The following BRWD1 variants were observed in gnomAD, a reference collection of about 807,000 sequenced individuals.
BRWD1 encodes the protein bromodomain and WD repeat domain containing 1, also known as bromodomain and WD repeat-containing protein 1.
BRWD1 carries 82 observed loss-of-function variants against 251.2 expected under a neutral mutation model. The ratio of observed to expected loss-of-function variants is 0.33; its 90% CI spans 0.27 to 0.39. BRWD1 has a LOEUF of 0.39. Among genes scored for constraint, BRWD1 ranks in the 10% least tolerant of loss-of-function variants. The pLI is 1.00. For missense variants in BRWD1, 2,233 were observed against 2,711.6 expected, an observed-to-expected ratio of 0.82 and a Z score of 3.92; for synonymous variants, 918 against 902.8, an observed-to-expected ratio of 1.02 and a Z score of -0.30.
Position 39,187,153 on chromosome 21 carries a change from T to G in BRWD1, c.*9106A>C. On this transcript the variant is annotated 3_prime_UTR_variant, in exon 41 of 41. Transcript: ENST00000342449. ...ATCCTCTTTATAAACATTCAGTAAT[T>G]TTTTCTTAGCCGCAGCAGAAGCATT... The G allele has an allele frequency of 6.2e-7, 1 of 1,613,832 alleles. No individual in the cohort carries two copies. Among genetic ancestry groups the G allele is most frequent in the South Asian group, 1.1e-5 (1 of 90,962 alleles).
In BRWD1 at chr21:39,228,478, AAC is replaced by A. The variant is rs772019370; in HGVS notation, c.3208+20_3208+21del. On this transcript the variant is annotated intron_variant, in intron 27 of 40. Coordinates refer to ENST00000342449, the MANE Select transcript of BRWD1 (RefSeq NM_033656.4). The stretch of plus-strand genomic sequence containing the variant: ...CAGATTAATTTTTAAGGGTATATAA[AAC>A]TTAGTAAGGATAGACTTACAAGACT... 30 of 1,561,012 alleles carry A rather than the reference AAC, an allele frequency of 1.9e-5. 2 individuals are homozygous for A. In the South Asian group the frequency reaches 3.1e-4, roughly 16 times the overall value.
rs368656743 is a variant in BRWD1, at chr21:39,249,915, GGTGT to G, written c.2349+877_2349+880del. 6.3e-3 allele frequency among the ~76,000 whole-genome samples: 435 copies of G among 68,606 alleles called. 6 individuals carry two copies. The highest frequency in any genetic ancestry group is 0.017 in the African/African-American group (306 of 18,526). 45.0% of individuals were successfully genotyped at this position (68,606 alleles called of 152,430 possible). On this transcript the variant is annotated intron_variant, in intron 20 of 40. Coordinates refer to ENST00000342449, the MANE Select transcript of BRWD1 (RefSeq NM_033656.4). The stretch of plus-strand genomic sequence containing the variant: ...GAACCAAGATCAAAAAAAGAAGGGG[GGTGT>G]GTGTGTGTGTGTGTGTGTGTGTGTG...
intron 29 of BRWD1, chr21:39,219,431 AAGG>A (rs1197011947): frequency 2.0e-5 from 3 of 152,508 alleles, no homozygotes; most frequent in South Asian, 2.1e-4. Flanking sequence ...AAAAAAAAAA[AAGG>A]AGAAAATCTG....
In BRWD1 at chr21:39,198,705, G is replaced by A. The variant is rs920364398; in HGVS notation, c.5653+58C>T. 38 of 1,449,684 alleles carry A rather than the reference G, an allele frequency of 2.6e-5. No individual in the cohort carries two copies. The African/African-American group carries it at 5.0e-4, about 19-fold the overall frequency. 89.8% of individuals were successfully genotyped at this position (1,449,684 alleles called of 1,614,324 possible). On this transcript the variant is annotated intron_variant, in intron 40 of 40. Transcript: ENST00000342449. Reference sequence around the variant, plus strand: ...TTTCGGGGGGAAAAAACCAATGTGTGTAAGAGAAAAGGATGGTGAGAGTCA... The same window carrying A: ...TTTCGGGGGGAAAAAACCAATGTGTATAAGAGAAAAGGATGGTGAGAGTCA...
chr21:39,313,371 GAGCCCGGGGAGCCGGGGA>G (rs2036585232), intron 1 of BRWD1, 54 bp downstream of exon 1: 4 of 1,477,076 alleles, frequency 2.7e-6, no homozygotes, highest in African/African-American at 1.5e-5. Flanking sequence ...GGAGCCGGGG[GAGCCCGGGGAGCCGGGGA>G]AGCCGAAGCA....
At chr21:39,227,170 A>G (rs2033418556) in intron 27 of BRWD1, among the ~76,000 whole-genome samples, 1 of 152,162 alleles carries the variant, frequency 6.6e-6, no homozygotes. Flanking sequence ...AAAAGAAGGA[A>G]AGAAAGAAAG....
At chr21:39,316,611 C>T (rs571255718), upstream of BRWD1, among the ~76,000 whole-genome samples, 24 of 152,330 alleles carry the variant, frequency 1.6e-4, no homozygotes, top group South Asian at 3.1e-3. Context: ...CGTTCTGATA[C>T]TGGCACCATG....
Position 39,200,307 on chromosome 21 carries a change from G to C in BRWD1, c.4665C>G (p.Ser1555=), listed in dbSNP as rs748264559. Reference sequence around the variant, plus strand: ...TGCGTGAGGAGGATTCACGAGCTCTGGAACTCTCTTTGCTTTCCTCAGAAC... The same window carrying C: ...TGCGTGAGGAGGATTCACGAGCTCTCGAACTCTCTTTGCTTTCCTCAGAAC... ...SSSSEESKES[S]RARESSSRSG... is the part of the protein sequence containing the mutation. The change falls in exon 39 of 41, where the codon TCC becomes TCG. Residue 1555 remains serine (S), a synonymous_variant. Transcript: ENST00000342449. 1.9e-6 allele frequency: 3 copies of C among 1,614,054 alleles called. No individual in the cohort carries two copies. In the South Asian group the frequency reaches 3.3e-5, roughly 18 times the overall value.
chr21:39,209,972 C>A (rs1384964278), intron 36 of BRWD1, 23 bp downstream of exon 36: 1 of 1,601,860 alleles, frequency 6.2e-7, no homozygotes, highest in South Asian at 1.1e-5. Context: ...CAGTTTTTTT[C>A]AATAAACCAC....
rs1464144970 is a variant in BRWD1 at position 39,196,358 on chromosome 21, T to C, written c.6711A>G (p.Ile2237Met). 6.2e-7 allele frequency: 1 copy of C among 1,613,716 alleles called. No individual in the cohort carries two copies. Among genetic ancestry groups the C allele is most frequent in the Non-Finnish European group, 8.5e-7 (1 of 1,179,716 alleles). Residue 2237 changes from isoleucine to methionine, a missense_variant, in exon 41 of 41, where the codon ATA becomes ATG. Ile to Met is a conservative substitution (Grantham distance 10). Around this residue, in one of 12 missense-constraint regions of BRWD1, gnomAD observed 928 missense variants for 970.0 expected, o/e 0.96. Transcript: ENST00000342449. ...KSKRVLRRSK[I>M]KTRNQGRRTV... is the part of the protein sequence containing the mutation. ...TCCTTCTACCCTGATTTCTCGTTTT[T>C]ATTTTTGAACGTCGAAGAACTCTTT...
At position 39,193,520 on chromosome 21, in the gene BRWD1, G is replaced by T; in HGVS notation, c.*2739C>A. ...TGGTAAAGTGAGTCTTTCCAAGAAAGCAAAAATCAAATCTGAGTACTTCAA... is the reference window on the plus strand; with the variant it reads ...TGGTAAAGTGAGTCTTTCCAAGAAATCAAAAATCAAATCTGAGTACTTCAA... On this transcript the variant is annotated 3_prime_UTR_variant, in exon 41 of 41. Coordinates refer to ENST00000342449, the MANE Select transcript of BRWD1 (RefSeq NM_033656.4). 1 of 985,296 alleles carries T rather than the reference G, an allele frequency of 1.0e-6. No homozygotes were observed. The highest frequency in any genetic ancestry group is 1.2e-6 in the Non-Finnish European group (1 of 829,674). 61.0% of individuals were successfully genotyped at this position (985,296 alleles called of 1,614,324 possible). A position where few individuals can be genotyped will look rare whatever the true frequency, so the allele number is the denominator to read the frequency against.
chr21:39,191,055 A>G lies in BRWD1; in HGVS notation c.*5204T>C, dbSNP rs1256599565. On this transcript the variant is annotated 3_prime_UTR_variant, in exon 41 of 41. Coordinates refer to ENST00000342449, the MANE Select transcript of BRWD1 (RefSeq NM_033656.4). ...CTTATTTTGAAATATGAATTCAGGGACTTTATACTTAACTGCTTAATTTGC... is the reference window on the plus strand; with the variant it reads ...CTTATTTTGAAATATGAATTCAGGGGCTTTATACTTAACTGCTTAATTTGC... The G allele has an allele frequency of 1.0e-6, 1 of 985,068 alleles. No homozygotes were observed. Among genetic ancestry groups the G allele is most frequent in the African/African-American group, 1.7e-5 (1 of 57,212 alleles). 61.0% of individuals were successfully genotyped at this position (985,068 alleles called of 1,614,324 possible). A position where few individuals can be genotyped will look rare whatever the true frequency, so the allele number is the denominator to read the frequency against.
At position 39,245,904 on chromosome 21, in the gene BRWD1, T is replaced by TTAAA. The variant is rs1235792529; in HGVS notation, c.2481+1793_2481+1796dup. ...GGCATGAGCCACCGTGCCCGGCCTA[T>TTAAA]TAAATACTCTTTACCAAAAAAGTTG... On this transcript the variant is annotated intron_variant, in intron 21 of 40. Transcript: ENST00000342449. Among the ~76,000 whole-genome samples the TTAAA allele has an allele frequency of 4.6e-5, 7 of 152,226 alleles. No homozygotes were observed. In the South Asian group the frequency reaches 1.2e-3, roughly 27 times the overall value.
intron 32 of BRWD1, 120 bp downstream of exon 32, chr21:39,215,117 G>A (rs2032831942): frequency 5.4e-6 from 5 of 932,042 alleles, no homozygotes; most frequent in East Asian, 2.7e-5. Flanking sequence ...TGATCTGACG[G>A]CCTTCACTTC....
At chr21:39,295,550 T>C (rs994601730) in intron 7 of BRWD1, among the ~76,000 whole-genome samples, 193 bp downstream of exon 7, 4 of 152,176 alleles carry the variant, frequency 2.6e-5, no homozygotes, top group African/African-American at 9.7e-5. Flanking sequence ...TAAATCACTG[T>C]CTTTCAAAAC....
intron 36 of BRWD1, chr21:39,209,784 T>TAA: frequency 2.4e-6 from 1 of 414,924 alleles, no homozygotes; most frequent in Non-Finnish European, 4.2e-6. Flanking sequence ...GAGATTATGA[T>TAA]AAACATCAAC....
At chr21:39,235,679 G>T (rs1029983583) in intron 23 of BRWD1, 2 of 212,156 alleles carry the variant, frequency 9.4e-6, no homozygotes, top group South Asian at 8.9e-5. Flanking sequence ...CAAAAGCTCT[G>T]GGTTGGATAC....
chr21:39,263,448 T>C (rs1337295734), intron 17 of BRWD1, among the ~76,000 whole-genome samples: 1 of 152,076 alleles, frequency 6.6e-6, no homozygotes, highest in Non-Finnish European at 1.5e-5. Context: ...GTGTAAGGAC[T>C]TGGGGAAGGA....
chr21:39,258,768 G>T, intron 17 of BRWD1, 96 bp from the exon 18 acceptor site: 1 of 792,766 alleles, frequency 1.3e-6, no homozygotes, highest in East Asian at 3.0e-5. Context: ...ACAATGGTCA[G>T]AATTTCCCAT....
Sources: gnomAD v4.1 joint callset for allele counts (sites outside exome capture counted in the v4.1 genomes callset) on GRCh38, gnomAD v4.1.1 for gene constraint, gnomAD v4.1.1 regional missense constraint, MANE v1.5 for transcripts, NCBI Gene and HGNC (gene_info 2026-07-23, HGNC 2026-07-21) for gene names.